Variants in FSTL4 observed in about 807,000 individuals in gnomAD.
The protein encoded by FSTL4 is follistatin-related protein 4.
In FSTL4, 28 loss-of-function variants were observed where a neutral mutation model predicts 78.2. The ratio of observed to expected loss-of-function variants is 0.36; its 90% CI spans 0.27 to 0.49. The LOEUF is 0.49. Among genes scored for constraint, FSTL4 ranks in the 20% least tolerant of loss-of-function variants. The pLI, the probability that FSTL4 is intolerant of heterozygous loss-of-function variation, is 0.98. For synonymous variants in FSTL4, 422 were observed against 440.5 expected, an observed-to-expected ratio of 0.96 and a Z score of 0.53; for missense variants, 922 against 1,084.9, an observed-to-expected ratio of 0.85 and a Z score of 2.11.
chr5:133,745,023 G>C, the FSTL4 span, among the ~76,000 whole-genome samples: 1 of 152,206 alleles, frequency 6.6e-6, no homozygotes, highest in Admixed American at 6.5e-5. Flanking sequence ...TTGTTTTCAG[G>C]AATGAGGAGC....
chr5:133,494,098 T>C (rs10038535), intron 3 of FSTL4, among the ~76,000 whole-genome samples: 1,892 of 152,306 alleles, frequency 0.012, 40 homozygotes, highest in African/African-American at 0.044. Context: ...CTGGTTCCTA[T>C]GACAGCCCTG....
intron 3 of FSTL4, among the ~76,000 whole-genome samples, chr5:133,491,803 G>A (rs567880118): frequency 2.6e-5 from 4 of 152,212 alleles, no homozygotes; most frequent in East Asian, 1.9e-4. Flanking sequence ...TAGCACATCC[G>A]TGTATTTTAA....
the FSTL4 span, among the ~76,000 whole-genome samples, chr5:133,763,710 A>C: frequency 6.6e-6 from 1 of 152,200 alleles, no homozygotes; most frequent in Non-Finnish European, 1.5e-5. Context: ...CCCTGGGAAA[A>C]GGAAAAACAG....
At chr5:133,297,362 C>T (rs896010165) in intron 6 of FSTL4, among the ~76,000 whole-genome samples, 2 of 152,142 alleles carry the variant, frequency 1.3e-5, no homozygotes, top group African/African-American at 4.8e-5. Context: ...TCCCACCTGT[C>T]CTCAAGCCAA....
At chr5:133,474,317 A>G (rs770224602) in intron 3 of FSTL4, among the ~76,000 whole-genome samples, 30 of 138,778 alleles carry the variant, frequency 2.2e-4, no homozygotes, top group Non-Finnish European at 3.7e-4. Flanking sequence ...AACGGGAGAC[A>G]GGGCCAGGCT....
chr5:133,625,735 A>G, the FSTL4 span, among the ~76,000 whole-genome samples: 1 of 54,454 alleles, frequency 1.8e-5, no homozygotes, highest in Non-Finnish European at 3.5e-5. Flanking sequence ...ATATATATAT[A>G]TATATATATT....
intron 2 of FSTL4, among the ~76,000 whole-genome samples, chr5:133,579,542 G>A (rs1171097109): frequency 6.6e-6 from 1 of 152,164 alleles, no homozygotes; most frequent in African/African-American, 2.4e-5. Context: ...AGGTGTCTGG[G>A]GGAGGAGAGA....
At chr5:133,694,024 G>A in the FSTL4 span, among the ~76,000 whole-genome samples, 3 of 152,136 alleles carry the variant, frequency 2.0e-5, no homozygotes, top group Non-Finnish European at 4.4e-5. Context: ...AGCTCTCTAG[G>A]TATTACTCAA....
At chr5:133,262,087 G>T (rs978477920) in intron 6 of FSTL4, among the ~76,000 whole-genome samples, 3 of 151,980 alleles carry the variant, frequency 2.0e-5, no homozygotes, top group African/African-American at 7.3e-5. Flanking sequence ...CAAAGGTTAA[G>T]TCTCGCACCC....
intron 6 of FSTL4, among the ~76,000 whole-genome samples, chr5:133,294,912 A>T (rs1485455402): frequency 6.6e-6 from 1 of 152,090 alleles, no homozygotes; most frequent in Non-Finnish European, 1.5e-5. Context: ...CCCTCTCTTG[A>T]CAACCCTCCA....
the FSTL4 span, among the ~76,000 whole-genome samples, chr5:133,625,604 C>G: frequency 6.7e-6 from 1 of 148,240 alleles, no homozygotes; most frequent in East Asian, 2.0e-4. Context: ...TTTTTGTTTT[C>G]AATGTCATCA....
chr5:133,298,565 T>G (rs1753461231), intron 6 of FSTL4, among the ~76,000 whole-genome samples: 1 of 152,246 alleles, frequency 6.6e-6, no homozygotes, highest in African/African-American at 2.4e-5. Context: ...CCTGTTGTGT[T>G]GCTTCAATTT....
chr5:133,760,237 A>AGCCACAGAGTCACTAGATGTCTAAGG, the FSTL4 span, among the ~76,000 whole-genome samples: 57 of 152,344 alleles, frequency 3.7e-4, 1 homozygote, highest in African/African-American at 1.3e-3. Flanking sequence ...GGTGAATGGA[A>AGCCACAGAGTCACTAGATGTCTAAGG]GCCACAGAGT....
At chr5:133,437,839 T>C (rs1757068804) in intron 3 of FSTL4, among the ~76,000 whole-genome samples, 1 of 152,024 alleles carries the variant, frequency 6.6e-6, no homozygotes, top group South Asian at 2.1e-4. Flanking sequence ...GCATTGTCAT[T>C]GAGAAGTTGT....
chr5:133,270,800 T>G (rs1162007612), intron 6 of FSTL4, among the ~76,000 whole-genome samples: 4 of 152,182 alleles, frequency 2.6e-5, no homozygotes, highest in African/African-American at 9.7e-5. Flanking sequence ...GCTTGTATGA[T>G]AACCCCCACA....
chr5:133,301,178 T>C (rs915568620), intron 6 of FSTL4, among the ~76,000 whole-genome samples: 3 of 151,938 alleles, frequency 2.0e-5, no homozygotes, highest in Admixed American at 1.3e-4. Flanking sequence ...TCACACATCA[T>C]GGGGGAAGAC....
chr5:133,756,470 G>A, the FSTL4 span, among the ~76,000 whole-genome samples: 1 of 152,002 alleles, frequency 6.6e-6, no homozygotes, highest in Non-Finnish European at 1.5e-5. Flanking sequence ...TAGTTGAGAA[G>A]GATCATAGGG....
At chr5:133,792,948 G>T in the FSTL4 span, among the ~76,000 whole-genome samples, 1 of 152,228 alleles carries the variant, frequency 6.6e-6, no homozygotes, top group African/African-American at 2.4e-5. Flanking sequence ...TGGGGAAAAG[G>T]GCGTTCAGAA....
At chr5:133,607,402 T>C (rs954419945) in intron 1 of FSTL4, among the ~76,000 whole-genome samples, 2 of 152,206 alleles carry the variant, frequency 1.3e-5, no homozygotes, top group Non-Finnish European at 2.9e-5. Flanking sequence ...TGTCAGGCAC[T>C]GTTCTAAGCA....
Sources: allele counts gnomAD v4.1 joint callset (sites outside exome capture counted in the v4.1 genomes callset), GRCh38; gene constraint gnomAD v4.1.1; transcripts MANE v1.5; gene names NCBI Gene and HGNC (gene_info 2026-07-23, HGNC 2026-07-21).